The following LHFPL6 variants were observed in gnomAD, a reference collection of about 807,000 sequenced individuals.
LHFPL6 encodes the protein LHFPL tetraspan subfamily member 6.
In LHFPL6, 9 loss-of-function variants were observed where a neutral mutation model predicts 20.6. The observed-to-expected ratio is 0.44, with a 90% CI of 0.26 to 0.76. The LOEUF is 0.76. Among genes scored for constraint, LHFPL6 ranks in the 30% least tolerant of loss-of-function variants. LHFPL6 has a pLI of 0.20. For missense variants in LHFPL6, 218 were observed against 253.5 expected (o/e 0.86, Z 0.95); for synonymous variants, 105 against 98.7 (o/e 1.06, Z -0.38).
At chr13:39,470,747 C>A (rs540588803) in intron 2 of LHFPL6, among the ~76,000 whole-genome samples, 11 of 152,196 alleles carry the variant, frequency 7.2e-5, no homozygotes, top group Admixed American at 2.6e-4. Flanking sequence ...TGGAAGTTAA[C>A]TTTTAAAAGA....
At chr13:39,356,731 G>T (rs1328359952) in intron 3 of LHFPL6, among the ~76,000 whole-genome samples, 1 of 152,184 alleles carries the variant, frequency 6.6e-6, no homozygotes, top group East Asian at 1.9e-4. Flanking sequence ...AAACTATTAT[G>T]AACATCTCCA....
chr13:39,414,488 C>T (rs1042205509), intron 2 of LHFPL6, among the ~76,000 whole-genome samples: 6 of 152,262 alleles, frequency 3.9e-5, no homozygotes, highest in Middle Eastern at 3.4e-3. Context: ...TTCAGGACAA[C>T]TGAGGGAGTC....
intron 2 of LHFPL6, among the ~76,000 whole-genome samples, chr13:39,534,962 G>T (rs9576839): frequency 0.096 from 14,567 of 152,216 alleles, 854 homozygotes; most frequent in East Asian, 0.28. Context: ...CTAGAAGTCT[G>T]AAATCAGGAT....
intron 2 of LHFPL6, among the ~76,000 whole-genome samples, chr13:39,402,410 G>A (rs1034153104): frequency 3.3e-5 from 5 of 151,970 alleles, no homozygotes; most frequent in African/African-American, 1.2e-4. Flanking sequence ...CAATTTTTTT[G>A]TGGAGATAGG....
chr13:39,584,147 T>C (rs1269324371), intron 2 of LHFPL6, among the ~76,000 whole-genome samples: 1 of 152,190 alleles, frequency 6.6e-6, no homozygotes, highest in South Asian at 2.1e-4. Context: ...ATTTAGATTA[T>C]TAGTAGGCAA....
chr13:39,483,662 T>C (rs1868616289), intron 2 of LHFPL6, among the ~76,000 whole-genome samples: 1 of 152,132 alleles, frequency 6.6e-6, no homozygotes, highest in African/African-American at 2.4e-5. Flanking sequence ...AGAAGCTAAG[T>C]GGATGCAATT....
intron 2 of LHFPL6, among the ~76,000 whole-genome samples, chr13:39,473,120 C>T (rs1872990712): frequency 6.6e-6 from 1 of 151,900 alleles, no homozygotes; most frequent in Admixed American, 6.6e-5. Context: ...GCTATGCAAG[C>T]TCGGGTTGGA....
At chr13:39,428,482 T>C (rs1487260301) in intron 2 of LHFPL6, among the ~76,000 whole-genome samples, 4 of 152,214 alleles carry the variant, frequency 2.6e-5, no homozygotes, top group African/African-American at 9.6e-5. Flanking sequence ...AATGTATTGG[T>C]ATGCAGTGAT....
At chr13:39,386,609 C>T (rs746505948) in intron 2 of LHFPL6, among the ~76,000 whole-genome samples, 2 of 152,184 alleles carry the variant, frequency 1.3e-5, no homozygotes, top group African/African-American at 2.4e-5. Flanking sequence ...CTGAGTTCAA[C>T]CAGAGACATG....
At chr13:39,444,257 T>C (rs1456430220) in intron 2 of LHFPL6, among the ~76,000 whole-genome samples, 2 of 152,132 alleles carry the variant, frequency 1.3e-5, no homozygotes, top group African/African-American at 4.8e-5. Flanking sequence ...AGAAATGATA[T>C]AAAAATGGAA....
intron 3 of LHFPL6, among the ~76,000 whole-genome samples, chr13:39,367,085 C>T (rs1348506936): frequency 6.6e-6 from 1 of 152,168 alleles, no homozygotes; most frequent in Non-Finnish European, 1.5e-5. Context: ...GGCTAAGATC[C>T]TAAGTGGAAG....
At chr13:39,520,683 A>G (rs1202608625) in intron 2 of LHFPL6, among the ~76,000 whole-genome samples, 1 of 152,164 alleles carries the variant, frequency 6.6e-6, no homozygotes, top group Non-Finnish European at 1.5e-5. Context: ...GAGCCATGTC[A>G]CGGCCAGACA....
intron 2 of LHFPL6, among the ~76,000 whole-genome samples, chr13:39,480,300 A>C (rs1225111108): frequency 2.0e-5 from 3 of 152,212 alleles, no homozygotes; most frequent in Admixed American, 6.5e-5. Context: ...TACTCAAAAC[A>C]AGATAGTTGA....
At chr13:39,522,227 A>G (rs1046151061) in intron 2 of LHFPL6, among the ~76,000 whole-genome samples, 4 of 152,192 alleles carry the variant, frequency 2.6e-5, no homozygotes, top group African/African-American at 9.7e-5. Flanking sequence ...CCTCACAAAA[A>G]TCTTAAGAGG....
At chr13:39,459,681 G>A (rs895213209) in intron 2 of LHFPL6, among the ~76,000 whole-genome samples, 13 of 152,072 alleles carry the variant, frequency 8.5e-5, no homozygotes, top group Admixed American at 2.0e-4. Flanking sequence ...ATTCCCTAAT[G>A]TCATGTCTTC....
At chr13:39,522,814 A>T (rs1870153899) in intron 2 of LHFPL6, among the ~76,000 whole-genome samples, 2 of 152,240 alleles carry the variant, frequency 1.3e-5, no homozygotes, top group Non-Finnish European at 2.9e-5. Context: ...TCTGCACAGG[A>T]TCTAATATAG....
At chr13:39,465,850 A>G (rs190603226) in intron 2 of LHFPL6, among the ~76,000 whole-genome samples, 86 of 152,204 alleles carry the variant, frequency 5.7e-4, no homozygotes, top group African/African-American at 2.0e-3. Flanking sequence ...TTTCACTGCA[A>G]AAGAGTCTAG....
At chr13:39,384,705 G>C (rs1372227930) in intron 2 of LHFPL6, among the ~76,000 whole-genome samples, 2 of 152,162 alleles carry the variant, frequency 1.3e-5, no homozygotes, top group Non-Finnish European at 2.9e-5. Context: ...TGCCTAATTT[G>C]CTTCTGGGGA....
chr13:39,378,592 G>T (rs1870357277), intron 2 of LHFPL6, 66 bp from the exon 3 acceptor site: 2 of 1,240,064 alleles, frequency 1.6e-6, no homozygotes, highest in East Asian at 4.7e-5. Context: ...AAGGTGGTGG[G>T]ATCAATATTT....
Sources: allele counts gnomAD v4.1 joint callset (sites outside exome capture counted in the v4.1 genomes callset), GRCh38; gene constraint gnomAD v4.1.1; transcripts MANE v1.5; gene names NCBI Gene and HGNC (gene_info 2026-07-23, HGNC 2026-07-21).